Variants in HIBCH observed in about 807,000 individuals in gnomAD.
HIBCH encodes the protein 3-hydroxyisobutyryl-CoA hydrolase, also known as 3-hydroxyisobutyryl-CoA hydrolase, mitochondrial.
In HIBCH, 50 loss-of-function variants were observed where a neutral mutation model predicts 58.2. The ratio of observed to expected loss-of-function variants is 0.86; its 90% CI spans 0.68 to 1.09. The LOEUF (loss-of-function observed/expected upper bound fraction) is 1.09. HIBCH is among the 50% of genes least tolerant of loss of function. The pLI, the probability that HIBCH is intolerant of heterozygous loss-of-function variation, is 0.00. For missense variants in HIBCH, 450 were observed against 449.7 expected, an observed-to-expected ratio of 1.00 and a Z score of -0.01; for synonymous variants, 151 against 146.9, an observed-to-expected ratio of 1.03 and a Z score of -0.20.
At chr2:190,199,178 G>GTTTTGCTTGACAGTATAGA (rs1474696934), downstream of HIBCH, among the ~76,000 whole-genome samples, 1 of 152,162 alleles carries the variant, frequency 6.6e-6, no homozygotes, top group African/African-American at 2.4e-5. Flanking sequence ...TGATGTGCTT[G>GTTTTGCTTGACAGTATAGA]TTTTGCTTGA....
At chr2:190,278,883 A>G (rs968031386) in intron 6 of HIBCH, among the ~76,000 whole-genome samples, 1 of 152,252 alleles carries the variant, frequency 6.6e-6, no homozygotes, top group Non-Finnish European at 1.5e-5. Flanking sequence ...TTGAGCGCCA[A>G]TGATCTAGAG....
chr2:190,314,639 C>T (rs961020888), intron 1 of HIBCH, among the ~76,000 whole-genome samples: 13 of 151,800 alleles, frequency 8.6e-5, no homozygotes, highest in East Asian at 5.9e-4. Context: ...TCACCACACC[C>T]GGCTTATTTT....
chr2:190,312,249 A>T (rs896615990), intron 1 of HIBCH, among the ~76,000 whole-genome samples: 1 of 152,206 alleles, frequency 6.6e-6, no homozygotes, highest in Non-Finnish European at 1.5e-5. Context: ...TGGGCTTTTT[A>T]AAAAATGTCC....
At chr2:190,195,941 C>CTTTTTTTTTTTTTT (rs35679833) in intron 1 of HIBCH, among the ~76,000 whole-genome samples, 5 of 86,194 alleles carry the variant, frequency 5.8e-5, no homozygotes, top group East Asian at 3.6e-4. Context: ...CTGTGTCCAG[C>CTTTTTTTTTTTTTT]TTTTTTTTTT....
rs114824419 is a variant in HIBCH at position 190,209,866 on chromosome 2, T to C, written c.1012-953A>G. On this transcript the variant is annotated intron_variant, in intron 12 of 13. Coordinates refer to ENST00000359678, the MANE Select transcript of HIBCH (RefSeq NM_014362.4). This position sits in a 1 kb window ranked among gnomAD's most constrained non-coding sequence, Gnocchi z 5.6. ...TATTAACTATGTGACCTCGGACTAGTAATTTCTCCAACCCTAGTTTCTTTA... is the reference window on the plus strand; with the variant it reads ...TATTAACTATGTGACCTCGGACTAGCAATTTCTCCAACCCTAGTTTCTTTA... Among the ~76,000 whole-genome samples, 1,016 of 152,328 alleles carry C rather than the reference T, an allele frequency of 6.7e-3. 12 individuals are homozygous for C. The highest frequency in any genetic ancestry group is 0.022 in the African/African-American group (923 of 41,564).
chr2:190,317,959 G>A (rs1273473141), intron 1 of HIBCH, among the ~76,000 whole-genome samples: 1 of 151,770 alleles, frequency 6.6e-6, no homozygotes, highest in Non-Finnish European at 1.5e-5. Flanking sequence ...AAGCAGCTGG[G>A]ATTACAGGGC....
chr2:190,251,685 TAAA>T, intron 8 of HIBCH: 1 of 180,196 alleles, frequency 5.5e-6, no homozygotes, highest in South Asian at 9.3e-5. Context: ...GTTTTTTTTT[TAAA>T]AAAAAAAAAG....
intron 11 of HIBCH, among the ~76,000 whole-genome samples, chr2:190,235,993 G>A (rs1236279072): frequency 3.3e-5 from 5 of 152,144 alleles, no homozygotes; most frequent in African/African-American, 4.8e-5. Flanking sequence ...GAAATACTTT[G>A]TCATAGGTGC....
chr2:190,305,204 A>C (rs1370631048), intron 2 of HIBCH, among the ~76,000 whole-genome samples: 2 of 152,170 alleles, frequency 1.3e-5, no homozygotes, highest in Admixed American at 1.3e-4. Context: ...GAATCCTTTT[A>C]AGGAAACGTT....
chr2:190,200,065 A>G, downstream of HIBCH: 2 of 1,614,104 alleles, frequency 1.2e-6, no homozygotes, highest in Non-Finnish European at 1.7e-6. Flanking sequence ...GTCTCAGGAT[A>G]TCTTGTGTGA....
At chr2:190,256,571 C>G (rs928346057) in intron 7 of HIBCH, among the ~76,000 whole-genome samples, 6 of 151,190 alleles carry the variant, frequency 4.0e-5, no homozygotes, top group Non-Finnish European at 5.9e-5. Flanking sequence ...ATATCCAGCA[C>G]CCGACAAAGT....
Position 190,217,206 on chromosome 2 carries a change from G to A in HIBCH, c.892-4131C>T, listed in dbSNP as rs1685581616. 6.6e-6 allele frequency among the ~76,000 whole-genome samples: 1 copy of A among 152,288 alleles called. No individual in the cohort carries two copies. The highest frequency in any genetic ancestry group is 1.5e-5 in the Non-Finnish European group (1 of 68,020). On this transcript the variant is annotated intron_variant, in intron 11 of 13. Coordinates refer to ENST00000359678, the MANE Select transcript of HIBCH (RefSeq NM_014362.4). The surrounding 1 kb of genome is among the most constrained non-coding windows in gnomAD (Gnocchi z 4.6). ...AGGGGTCAGTGGACCCTGGGGAAGT[G>A]CCTCACCTAACTCCAGCCTGTAATC...
chr2:190,282,856 AAAAAG>A (rs1207602362), intron 6 of HIBCH, among the ~76,000 whole-genome samples: 1 of 151,932 alleles, frequency 6.6e-6, no homozygotes, highest in African/African-American at 2.4e-5. Flanking sequence ...AAAAAAAAAA[AAAAAG>A]GTAGGATAAT....
chr2:190,317,411 A>G (rs1315751647), intron 1 of HIBCH, among the ~76,000 whole-genome samples: 1 of 152,234 alleles, frequency 6.6e-6, no homozygotes, highest in Admixed American at 6.5e-5. Flanking sequence ...GAGTGGCTAC[A>G]GGATAATAGA....
At chr2:190,286,302 A>G (rs1687825782) in intron 6 of HIBCH, among the ~76,000 whole-genome samples, 2 of 152,222 alleles carry the variant, frequency 1.3e-5, no homozygotes, top group South Asian at 2.1e-4. Flanking sequence ...TCATACTTCT[A>G]TATGACTGTC....
rs558503510 is a variant in HIBCH at position 190,306,845 on chromosome 2, G to A, written c.78+3909C>T. Among the ~76,000 whole-genome samples the A allele has an allele frequency of 2.0e-5, 3 of 152,080 alleles. No individual in the cohort carries two copies. The highest frequency in any genetic ancestry group is 3.4e-3 in the Middle Eastern group (1 of 294). ...GTCAGCCCTCATGAATGAGATTAAC[G>A]CCCTTATAAAAGAAACCCTGGAGAG... On this transcript the variant is annotated intron_variant, in intron 2 of 13. Coordinates refer to ENST00000359678, the MANE Select transcript of HIBCH (RefSeq NM_014362.4). This position sits in a 1 kb window ranked among gnomAD's most constrained non-coding sequence, Gnocchi z 4.6.
chr2:190,302,411 C>T (rs566646836), intron 2 of HIBCH, among the ~76,000 whole-genome samples: 1 of 152,290 alleles, frequency 6.6e-6, no homozygotes, highest in South Asian at 2.1e-4. Context: ...CAATTAGGCC[C>T]TATACATCAA....
chr2:190,290,468 T>C lies in HIBCH; in HGVS notation c.322A>G (p.Lys108Glu). 1 of 1,610,396 alleles carries C rather than the reference T, an allele frequency of 6.2e-7. No individual in the cohort carries two copies. ...ACTGGAGCTATCTTCTGTTTTGCCT[T>C]TTCAGCTTCCGAGATCACTAGGAAG... Reference protein sequence around the residue: ...GDIRVISEAEKAKQKIAPVFF... With the variant: ...GDIRVISEAEEAKQKIAPVFF... Residue 108 changes from lysine to glutamate, a missense_variant, in exon 5 of 14, where the codon AAG (lysine) becomes GAG (glutamate). Lys to Glu is a moderately conservative substitution (Grantham distance 56). Coordinates refer to ENST00000359678, the MANE Select transcript of HIBCH (RefSeq NM_014362.4).
Position 190,243,783 on chromosome 2 carries a change from C to A in HIBCH, c.891+1104G>T, listed in dbSNP as rs1424176212. On this transcript the variant is annotated intron_variant, in intron 11 of 13. Coordinates refer to ENST00000359678, the MANE Select transcript of HIBCH (RefSeq NM_014362.4). The surrounding 1 kb of genome is among the most constrained non-coding windows in gnomAD (Gnocchi z 4.1). The stretch of plus-strand genomic sequence containing the variant: ...AGGAGGTCGAGACCAGTCTGGCCAA[C>A]ATGGTGAAACCTTGTCTCTACAAAA... Among the ~76,000 whole-genome samples the A allele has an allele frequency of 1.3e-5, 2 of 152,104 alleles. No individual in the cohort carries two copies. Among genetic ancestry groups the A allele is most frequent in the Non-Finnish European group, 2.9e-5 (2 of 68,010 alleles).
Sources: gnomAD v4.1 joint callset for allele counts (sites outside exome capture counted in the v4.1 genomes callset) on GRCh38, gnomAD v4.1.1 for gene constraint, Gnocchi (gnomAD v3.1) non-coding constraint, MANE v1.5 for transcripts, NCBI Gene and HGNC (gene_info 2026-07-23, HGNC 2026-07-21) for gene names.